The following BTN3A1 variants were observed in gnomAD, a reference collection of about 807,000 sequenced individuals.
BTN3A1 encodes the protein butyrophilin subfamily 3 member A1, also known as dJ45P21.3 (butyrophilin, subfamily 3, member A1).
In BTN3A1, 24 loss-of-function variants were observed where a neutral mutation model predicts 43.0. That is an observed-to-expected ratio of 0.56 (90% CI 0.40 to 0.78). The LOEUF (loss-of-function observed/expected upper bound fraction) is 0.78. Among genes scored for constraint, BTN3A1 ranks in the 30% least tolerant of loss-of-function variants. The probability of loss-of-function intolerance (pLI) is 0.00; values close to 1 mark genes in which losing one functional copy is unlikely to be tolerated. For missense variants in BTN3A1, 533 were observed against 626.2 expected (o/e 0.85, Z 1.59); for synonymous variants, 181 against 234.7 (o/e 0.77, Z 2.09).
rs1761983980 is a variant in BTN3A1, at chr6:26,405,534, C to T, written c.-30C>T. On this transcript the variant is annotated 5_prime_UTR_variant, in exon 2 of 10. Coordinates refer to ENST00000289361, the MANE Select transcript of BTN3A1 (RefSeq NM_007048.6). ...TCCAGGTCATAGTGTCTGCCCCCCA[C>T]CTTCCAGTATCTCCTGATATGCAGC... 1 of 1,605,752 alleles carries T rather than the reference C, an allele frequency of 6.2e-7. No individual in the cohort carries two copies. The highest frequency in any genetic ancestry group is 8.5e-7 in the Non-Finnish European group (1 of 1,172,468).
chr6:26,409,734 G>A lies in BTN3A1; in HGVS notation c.916+1G>A. ...ATGAAGCAAGAACAAAGCACAAGAGGTAGCTGACCTTGGGAGTTTATCTGA... is the reference window on the plus strand; with the variant it reads ...ATGAAGCAAGAACAAAGCACAAGAGATAGCTGACCTTGGGAGTTTATCTGA... On this transcript the variant is annotated splice_donor_variant, in intron 5 of 9. Transcript: ENST00000289361. LOFTEE classifies it high-confidence loss of function. The A allele has an allele frequency of 6.4e-7, 1 of 1,571,810 alleles. No individual in the cohort carries two copies. The highest frequency in any genetic ancestry group is 8.6e-7 in the Non-Finnish European group (1 of 1,162,756).
chr6:26,408,586 T>C (rs1320811025), intron 4 of BTN3A1, among the ~76,000 whole-genome samples: 2 of 152,226 alleles, frequency 1.3e-5, no homozygotes, highest in Non-Finnish European at 1.5e-5. Flanking sequence ...ACAATATCTA[T>C]CCAAACTACA....
chr6:26,408,034 A>G (rs746048084), intron 4 of BTN3A1, 82 bp downstream of exon 4: 70 of 1,575,030 alleles, frequency 4.4e-5, no homozygotes, highest in Non-Finnish European at 5.7e-5. Context: ...TCTGCAGTCA[A>G]CCTGGGTCTC....
chr6:26,411,044 A>T, intron 7 of BTN3A1, 65 bp from the exon 8 acceptor site: 2 of 1,289,662 alleles, frequency 1.6e-6, no homozygotes, highest in Non-Finnish European at 2.2e-6. Context: ...ATGTAAAGTT[A>T]AGGGAATGGG....
chr6:26,410,120 G>A, intron 7 of BTN3A1, 88 bp downstream of exon 7: 1 of 1,562,418 alleles, frequency 6.4e-7, no homozygotes, highest in Middle Eastern at 1.7e-4. Context: ...CCCCAAGGTT[G>A]GGAAGTGGTC....
chr6:26,405,066 G>A (rs1761966796), intron 1 of BTN3A1, among the ~76,000 whole-genome samples: 1 of 152,196 alleles, frequency 6.6e-6, no homozygotes, highest in Non-Finnish European at 1.5e-5. Context: ...CTGACTTCAG[G>A]TCCCCCACCA....
rs779022065 is a variant in BTN3A1 at position 26,409,685 on chromosome 6, T to G, written c.868T>G (p.Leu290Val). 6.3e-7 allele frequency: 1 copy of G among 1,589,654 alleles called. No homozygotes were observed. Among genetic ancestry groups the G allele is most frequent in the African/African-American group, 1.4e-5 (1 of 73,128 alleles). ...CAGAAAGAAAAAGAGAGAGCAAGAG[T>G]TGAGAGAAATGGCATGGAGCACAAT... ...QFRKKKREQELREMAWSTMKQ... is the reference protein window; with the variant it reads ...QFRKKKREQEVREMAWSTMKQ... The change falls in exon 5 of 10, where the codon TTG becomes GTG. Residue 290 changes from leucine to valine, a missense_variant. This residue lies in a region of BTN3A1 where 415 missense variants were observed against 427.0 expected (regional missense o/e 0.97). Transcript: ENST00000289361.
chr6:26,412,950 C>A, intron 9 of BTN3A1: 1 of 1,457,974 alleles, frequency 6.9e-7, no homozygotes, highest in Non-Finnish European at 9.0e-7. Flanking sequence ...GATGCTGAGG[C>A]AACCCTCATT....
intron 1 of BTN3A1, chr6:26,404,273 C>T (rs1303020783): frequency 6.6e-6 from 1 of 152,176 alleles, no homozygotes; most frequent in Non-Finnish European, 1.5e-5. Context: ...ACTATTGTAA[C>T]TCATAATAAT....
chr6:26,414,921 TGATCCAC>T lies in BTN3A1; in HGVS notation c.*1230_*1236del, dbSNP rs1216164154. On this transcript the variant is annotated 3_prime_UTR_variant, in exon 10 of 10. Transcript: ENST00000289361. ...GGATGGTCTCGATCTCTTGACCTCA[TGATCCAC>T]CCACCTCGGTCTCCCAAAGTGCTGG... The T allele has an allele frequency of 6.6e-6, 1 of 152,182 alleles. No individual in the cohort carries two copies. The highest frequency in any genetic ancestry group is 2.4e-5 in the African/African-American group (1 of 41,426). 9.4% of individuals were successfully genotyped at this position (152,182 alleles called of 1,614,324 possible). A position where few individuals can be genotyped will look rare whatever the true frequency, so the allele number is the denominator to read the frequency against.
rs566412023 is a variant in BTN3A1, at chr6:26,413,131, T to C, written c.1019-38T>C. On this transcript the variant is annotated intron_variant, in intron 9 of 9. Transcript: ENST00000289361. Reference sequence around the variant, plus strand: ...CTGAGGCTCTGAAATCCAGGAAAAATGGTTGACCTCATGGACACTTCCTCA... The same window carrying C: ...CTGAGGCTCTGAAATCCAGGAAAAACGGTTGACCTCATGGACACTTCCTCA... The C allele has an allele frequency of 1.0e-5, 16 of 1,571,496 alleles. No individual in the cohort carries two copies. The Admixed American group carries it at 2.9e-4, about 28-fold the overall frequency.
At chr6:26,413,113 T>C in intron 9 of BTN3A1, 56 bp from the exon 10 acceptor site, 2 of 1,561,746 alleles carry the variant, frequency 1.3e-6, no homozygotes, top group Non-Finnish European at 1.7e-6. Flanking sequence ...ATGCTGAGGC[T>C]CTGAAATCCA....
At chr6:26,407,066 T>C (rs1762044215) in intron 3 of BTN3A1, among the ~76,000 whole-genome samples, 2 of 152,312 alleles carry the variant, frequency 1.3e-5, no homozygotes, top group Admixed American at 1.3e-4. Flanking sequence ...TCACACATGA[T>C]GTGGGGTGGT....
intron 9 of BTN3A1, chr6:26,412,828 T>A: frequency 6.5e-7 from 1 of 1,548,310 alleles, no homozygotes; most frequent in Non-Finnish European, 8.7e-7. Flanking sequence ...AAAATTAACC[T>A]CTGAGTATAA....
At chr6:26,411,622 G>A (rs1485742672) in intron 9 of BTN3A1, 41 bp downstream of exon 9, 5 of 1,597,898 alleles carry the variant, frequency 3.1e-6, no homozygotes, top group Admixed American at 3.5e-5. Flanking sequence ...AACAACCTGA[G>A]GGACTATATT....
In BTN3A1 at chr6:26,413,194, A is replaced by G; in HGVS notation, c.1044A>G (p.Thr348=). 1 of 1,613,472 alleles carries G rather than the reference A, an allele frequency of 6.2e-7. No homozygotes were observed. The highest frequency in any genetic ancestry group is 2.2e-5 in the East Asian group (1 of 44,860). ...KPADVILDPK[T]ANPILLVSED... is the part of the protein sequence containing the mutation. ...CGGATGTGATTCTGGATCCAAAAAC[A>G]GCAAACCCCATCCTCCTTGTTTCTG... Residue 348 remains threonine (T), a synonymous_variant, in exon 10 of 10, where the codon ACA becomes ACG. Coordinates refer to ENST00000289361, the MANE Select transcript of BTN3A1 (RefSeq NM_007048.6).
chr6:26,413,713 C>T lies in BTN3A1; in HGVS notation c.*21C>T, dbSNP rs780243154. 40 of 1,610,388 alleles carry T rather than the reference C, an allele frequency of 2.5e-5. No homozygotes were observed. The highest frequency in any genetic ancestry group is 3.1e-5 in the Non-Finnish European group (37 of 1,179,598). Reference sequence around the variant, plus strand: ...CGTGAAAAGAAGAAGAGAGTTCCTCCAATTCTGACCGAGTGCTGATCATTC... The same window carrying T: ...CGTGAAAAGAAGAAGAGAGTTCCTCTAATTCTGACCGAGTGCTGATCATTC... On this transcript the variant is annotated 3_prime_UTR_variant, in exon 10 of 10. Transcript: ENST00000289361.
intron 4 of BTN3A1, among the ~76,000 whole-genome samples, chr6:26,408,238 G>A (rs1388879334): frequency 6.6e-6 from 1 of 150,554 alleles, no homozygotes; most frequent in African/African-American, 2.4e-5. Flanking sequence ...TGACAAAAGG[G>A]GAAAGCATAT....
In BTN3A1 at chr6:26,414,933, C is replaced by T. The variant is rs879642492; in HGVS notation, c.*1241C>T. The T allele has an allele frequency of 1.3e-5, 2 of 152,166 alleles. No homozygotes were observed. Among genetic ancestry groups the T allele is most frequent in the Admixed American group, 1.3e-4 (2 of 15,282 alleles). The allele number at this position is 152,166 out of a possible 1,614,324, so 9.4% of individuals were successfully genotyped here. A position where few individuals can be genotyped will look rare whatever the true frequency, so the allele number is the denominator to read the frequency against. On this transcript the variant is annotated 3_prime_UTR_variant, in exon 10 of 10. Coordinates refer to ENST00000289361, the MANE Select transcript of BTN3A1 (RefSeq NM_007048.6). ...TCTCTTGACCTCATGATCCACCCAC[C>T]TCGGTCTCCCAAAGTGCTGGGATTA...
Sources: gnomAD v4.1 joint callset for allele counts (sites outside exome capture counted in the v4.1 genomes callset) on GRCh38, gnomAD v4.1.1 for gene constraint, gnomAD v4.1.1 regional missense constraint, MANE v1.5 for transcripts, NCBI Gene and HGNC (gene_info 2026-07-23, HGNC 2026-07-21) for gene names.